The following NWD1 variants were observed in gnomAD, a reference collection of about 807,000 sequenced individuals.
NWD1 encodes NACHT domain- and WD repeat-containing protein 1.
A neutral mutation model predicts 135.1 loss-of-function variants in NWD1; 129 were observed. The ratio of observed to expected loss-of-function variants is 0.96; its 90% CI spans 0.83 to 1.11. NWD1 has a LOEUF of 1.11. NWD1 is among the 50% of genes least tolerant of loss of function. The pLI, the probability that NWD1 is intolerant of heterozygous loss-of-function variation, is 0.00. For missense variants in NWD1, 1,740 were observed against 1,851.3 expected (o/e 0.94, Z 1.10); for synonymous variants, 773 against 786.0 (o/e 0.98, Z 0.28).
intron 17 of NWD1, among the ~76,000 whole-genome samples, chr19:16,801,169 C>T (rs1970592160): frequency 6.6e-6 from 1 of 152,052 alleles, no homozygotes. Context: ...ATCCCAGCTA[C>T]TCAGGAGGCT....
rs758076539 is a variant in NWD1, at chr19:16,749,225, C to T, written c.583C>T (p.Leu195Phe). The change falls in exon 6 of 19, where the codon CTC (leucine) becomes TTC (phenylalanine). Residue 195 changes from leucine to phenylalanine, a missense_variant. Coordinates refer to ENST00000524140, the MANE Select transcript of NWD1 (RefSeq NM_001007525.5). The part of the protein sequence containing the change: ...ATVFLREIQD[L>F]HKHILEDCAL... ...CGTCTTCCTTAGAGAGATCCAAGAC[C>T]TCCACAAACACATCCTTGAAGACTG... 10 of 1,614,014 alleles carry T rather than the reference C, an allele frequency of 6.2e-6. No individual in the cohort carries two copies. The East Asian group carries it at 2.2e-4, about 36-fold the overall frequency.
chr19:16,797,619 A>G lies in NWD1; in HGVS notation c.3305-113A>G, dbSNP rs1970459799. 5 of 980,670 alleles carry G rather than the reference A, an allele frequency of 5.1e-6. No homozygotes were observed. In the Admixed American group the frequency reaches 1.1e-4, roughly 22 times the overall value. The allele number at this position is 980,670 out of a possible 1,614,324, so 60.7% of individuals were successfully genotyped here. ...CGCCTTGGCGTCCCAAAGTGCTGGG[A>G]TTACAGGCATGAACCACCACATCCG... is the stretch of plus-strand genomic sequence containing the variant. On this transcript the variant is annotated intron_variant, in intron 15 of 18. Transcript: ENST00000524140.
In NWD1 at chr19:16,791,233, C is replaced by A. The variant is rs1970233847; in HGVS notation, c.2941-117C>A. Reference sequence around the variant, plus strand: ...TGGGTGAAAAAGAGAGGCTCTGTCTCCAAAAGAAAAGAAAATGCATAAAGT... The same window carrying A: ...TGGGTGAAAAAGAGAGGCTCTGTCTACAAAAGAAAAGAAAATGCATAAAGT... On this transcript the variant is annotated intron_variant, in intron 13 of 18. Transcript: ENST00000524140. The A allele has an allele frequency of 4.3e-6, 4 of 936,626 alleles. No individual in the cohort carries two copies. In the East Asian group the frequency reaches 9.7e-5, roughly 23 times the overall value. The allele number at this position is 936,626 out of a possible 1,614,324, so 58.0% of individuals were successfully genotyped here. A position where few individuals can be genotyped will look rare whatever the true frequency, so the allele number is the denominator to read the frequency against.
At chr19:16,738,361 G>A in intron 4 of NWD1, 1 of 312,806 alleles carries the variant, frequency 3.2e-6, no homozygotes, top group South Asian at 2.3e-5. Flanking sequence ...TTGAGGTCAG[G>A]AGTTTGAGAG....
chr19:16,774,144 CCCAT>C (rs141501682), intron 11 of NWD1, among the ~76,000 whole-genome samples: 24 of 148,346 alleles, frequency 1.6e-4, no homozygotes, highest in South Asian at 2.2e-4. Flanking sequence ...CATCTACTGC[CCCAT>C]CCATCCATCC....
chr19:16,743,236 G>C (rs375702849), intron 4 of NWD1, among the ~76,000 whole-genome samples: 1 of 141,220 alleles, frequency 7.1e-6, no homozygotes, highest in East Asian at 2.2e-4. Flanking sequence ...TTAGAGACAG[G>C]GTCTCACTCT....
intron 10 of NWD1, 48 bp from the exon 11 acceptor site, chr19:16,773,078 T>C: frequency 6.5e-7 from 1 of 1,529,912 alleles, no homozygotes; most frequent in Non-Finnish European, 9.1e-7. Context: ...GCAGGGAGGG[T>C]AGAGGGGGCT....
chr19:16,750,887 A>G (rs1968550655), intron 6 of NWD1, among the ~76,000 whole-genome samples: 1 of 151,936 alleles, frequency 6.6e-6, no homozygotes, highest in South Asian at 2.1e-4. Context: ...AGGACTGCCT[A>G]CATGGTTGCT....
At chr19:16,737,911 G>A (rs993504165) in intron 4 of NWD1, among the ~76,000 whole-genome samples, 2 of 151,194 alleles carry the variant, frequency 1.3e-5, no homozygotes, top group African/African-American at 4.9e-5. Context: ...GTTGCAGTGA[G>A]CCGAGATCAT....
intron 12 of NWD1, among the ~76,000 whole-genome samples, chr19:16,780,133 C>G (rs775480611): frequency 5.3e-5 from 8 of 151,456 alleles, no homozygotes; most frequent in Non-Finnish European, 1.0e-4. Flanking sequence ...CTTCAGGTCT[C>G]TCATCCCCAG....
rs1408891262 is a variant in NWD1 at position 16,763,944 on chromosome 19, G to C, written c.2250G>C (p.Leu750=). The part of the protein sequence containing the change: ...GRLEELKQEV[L]GSMSWISCRG... ...TGGAGGAGCTGAAACAGGAGGTTCT[G>C]GGTAAGGGCTGCCCCCCATCTCAGA... The change falls in exon 9 of 19, where the codon CTG becomes CTC. Residue 750 remains leucine (L), a splice_region_variant and synonymous_variant. Coordinates refer to ENST00000524140, the MANE Select transcript of NWD1 (RefSeq NM_001007525.5). 6.3e-7 allele frequency: 1 copy of C among 1,589,204 alleles called. No homozygotes were observed. The highest frequency in any genetic ancestry group is 8.6e-7 in the Non-Finnish European group (1 of 1,157,510).
rs1265941510 is a variant in NWD1, at chr19:16,779,492, G to C, written c.2731+27G>C. ...TGAGACTTGGGAAGTGGGCTTTGTG[G>C]TCAGCTTCCATAGTGAAAAGTTGGT... On this transcript the variant is annotated intron_variant, in intron 12 of 18. Coordinates refer to ENST00000524140, the MANE Select transcript of NWD1 (RefSeq NM_001007525.5). 4 of 1,608,528 alleles carry C rather than the reference G, an allele frequency of 2.5e-6. No homozygotes were observed. The South Asian group carries it at 4.4e-5, about 18-fold the overall frequency.
At chr19:16,799,021 A>G (rs1970512352) in intron 16 of NWD1, among the ~76,000 whole-genome samples, 1 of 151,922 alleles carries the variant, frequency 6.6e-6, no homozygotes, top group African/African-American at 2.4e-5. Flanking sequence ...AAAGGTTTAC[A>G]GGGCACCCTC....
At chr19:16,745,726 A>C (rs1968284522) in intron 5 of NWD1, among the ~76,000 whole-genome samples, 1 of 150,548 alleles carries the variant, frequency 6.6e-6, no homozygotes, top group African/African-American at 2.4e-5. Context: ...GGTTACAGAG[A>C]GAGACCTGTC....
chr19:16,742,188 A>G (rs1018695479), intron 4 of NWD1, among the ~76,000 whole-genome samples: 1 of 152,072 alleles, frequency 6.6e-6, no homozygotes, highest in Non-Finnish European at 1.5e-5. Flanking sequence ...CAGCCTGGCC[A>G]ACATGGCGAA....
intron 3 of NWD1, among the ~76,000 whole-genome samples, chr19:16,734,902 T>A (rs1967731301): frequency 1.3e-5 from 2 of 152,092 alleles, no homozygotes; most frequent in African/African-American, 4.8e-5. Context: ...CTAATTTTTT[T>A]ATTTTAATTA....
Position 16,773,277 on chromosome 19 carries a change from G to GC in NWD1, c.2567dup (p.Gly858ArgfsTer101), listed in dbSNP as rs1555726414. On this transcript the variant is annotated frameshift_variant, in exon 11 of 19. Coordinates refer to ENST00000524140, the MANE Select transcript of NWD1 (RefSeq NM_001007525.5). LOFTEE classifies it high-confidence loss of function. ...TGGTGCCCCTCGGAGGATTCCTCCA[G>GC]CCCCCGGGAGGACCCCTCCGGGCAA... 3.1e-6 allele frequency: 5 copies of GC among 1,613,148 alleles called. No individual in the cohort carries two copies. The highest frequency in any genetic ancestry group is 3.4e-6 in the Non-Finnish European group (4 of 1,179,970).
At position 16,749,995 on chromosome 19, in the gene NWD1, T is replaced by C. The variant is rs1246420263; in HGVS notation, c.1353T>C (p.Val451=). 1.9e-6 allele frequency: 3 copies of C among 1,613,768 alleles called. No individual in the cohort carries two copies. The African/African-American group carries it at 4.0e-5, about 22-fold the overall frequency. Residue 451 remains valine (V), a synonymous_variant, in exon 6 of 19, where the codon GTT becomes GTC. Coordinates refer to ENST00000524140, the MANE Select transcript of NWD1 (RefSeq NM_001007525.5). ...DLDSVRHARR[V]PWLPLNCPPR... is the part of the protein sequence containing the mutation. ...ACTCTGTCCGCCATGCTCGGAGGGT[T>C]CCCTGGCTGCCTCTCAACTGCCCCC...
intron 6 of NWD1, among the ~76,000 whole-genome samples, chr19:16,756,450 C>T (rs1441221408): frequency 6.6e-6 from 1 of 152,104 alleles, no homozygotes; most frequent in Non-Finnish European, 1.5e-5. Context: ...TATAAGTGGA[C>T]TCATGCAGTT....
Sources: allele counts gnomAD v4.1 joint callset (sites outside exome capture counted in the v4.1 genomes callset), GRCh38; gene constraint gnomAD v4.1.1; transcripts MANE v1.5; gene names NCBI Gene and HGNC (gene_info 2026-07-23, HGNC 2026-07-21).